The following PLPP4 variants were observed in gnomAD, a reference collection of about 807,000 sequenced individuals.
PLPP4 encodes the protein diacylglycerol pyrophosphate like 2.
A neutral mutation model predicts 32.2 loss-of-function variants in PLPP4; 20 were observed. The observed-to-expected ratio is 0.62, with a 90% CI of 0.44 to 0.90. PLPP4 has a LOEUF of 0.90. Ranked by LOEUF, PLPP4 falls within the 40% of genes least tolerant of loss-of-function variation. The probability of loss-of-function intolerance (pLI) is 0.00; values close to 1 mark genes in which losing one functional copy is unlikely to be tolerated. For missense variants in PLPP4, 257 were observed against 353.1 expected, an observed-to-expected ratio of 0.73 and a Z score of 2.18; for synonymous variants, 127 against 133.0, an observed-to-expected ratio of 0.95 and a Z score of 0.31.
chr10:120,556,201 C>T (rs1848157888), intron 5 of PLPP4, among the ~76,000 whole-genome samples: 1 of 152,216 alleles, frequency 6.6e-6, no homozygotes, highest in Admixed American at 6.5e-5. Flanking sequence ...AGCTTTCCTG[C>T]TGTTCACGTG....
upstream of PLPP4, chr10:120,457,105 C>T (rs1847810426): frequency 1.7e-5 from 4 of 231,844 alleles, no homozygotes; most frequent in Admixed American, 5.8e-5. Context: ...GCGCGGCTTC[C>T]CGGAGCCCCG....
At chr10:120,468,077 T>C (rs114196696) in intron 1 of PLPP4, among the ~76,000 whole-genome samples, 1,361 of 65,394 alleles carry the variant, frequency 0.021, 439 homozygotes, top group African/African-American at 0.042. Context: ...TCATTCTTTG[T>C]TGTGGCCGCA....
intron 5 of PLPP4, among the ~76,000 whole-genome samples, chr10:120,555,238 T>C (rs1848101966): frequency 6.6e-6 from 1 of 152,128 alleles, no homozygotes; most frequent in African/African-American, 2.4e-5. Flanking sequence ...GAACTTTTAC[T>C]CCCAAAGCTA....
chr10:120,517,428 G>A (rs1437505772), intron 3 of PLPP4, among the ~76,000 whole-genome samples: 1 of 152,200 alleles, frequency 6.6e-6, no homozygotes, highest in African/African-American at 2.4e-5. Flanking sequence ...AGGGAAGCTG[G>A]CATTTGAGGA....
chr10:120,536,716 A>T (rs1356323352), intron 5 of PLPP4, among the ~76,000 whole-genome samples: 1 of 151,868 alleles, frequency 6.6e-6, no homozygotes, highest in Non-Finnish European at 1.5e-5. Flanking sequence ...TTACAAAAAA[A>T]CTGATGTTTT....
intron 2 of PLPP4, 96 bp from the exon 3 acceptor site, chr10:120,513,815 G>T: frequency 1.1e-6 from 1 of 911,536 alleles, no homozygotes. Context: ...TATTCAACCA[G>T]GGAGTCTAAA....
chr10:120,567,441 G>T (rs1161393421), intron 5 of PLPP4, among the ~76,000 whole-genome samples: 1 of 152,190 alleles, frequency 6.6e-6, no homozygotes, highest in Admixed American at 6.5e-5. Flanking sequence ...ATGTTGTTAT[G>T]CCTGTTGAGT....
intron 1 of PLPP4, among the ~76,000 whole-genome samples, chr10:120,489,658 A>G (rs1297772065): frequency 6.6e-6 from 1 of 152,196 alleles, no homozygotes; most frequent in Non-Finnish European, 1.5e-5. Flanking sequence ...CAAGGTTGCC[A>G]GATCAAATGC....
At chr10:120,527,572 T>C (rs985958799) in intron 5 of PLPP4, among the ~76,000 whole-genome samples, 2 of 152,246 alleles carry the variant, frequency 1.3e-5, no homozygotes, top group Non-Finnish European at 2.9e-5. Context: ...TCTAGCCAAG[T>C]TGACACATAA....
chr10:120,482,810 G>A (rs908022084), intron 1 of PLPP4, among the ~76,000 whole-genome samples: 2 of 152,116 alleles, frequency 1.3e-5, no homozygotes, highest in Non-Finnish European at 2.9e-5. Flanking sequence ...TACTTGGGAG[G>A]CTGAGGCAGG....
intron 1 of PLPP4, among the ~76,000 whole-genome samples, chr10:120,498,931 T>G (rs1253118150): frequency 6.6e-6 from 1 of 152,130 alleles, no homozygotes; most frequent in African/African-American, 2.4e-5. Context: ...AAATCACTTC[T>G]ATTCTTAATG....
At chr10:120,559,606 C>A (rs1038827768) in intron 5 of PLPP4, among the ~76,000 whole-genome samples, 2 of 151,046 alleles carry the variant, frequency 1.3e-5, no homozygotes, top group African/African-American at 4.9e-5. Context: ...TGTGAGGGTG[C>A]ACTTATATGT....
chr10:120,457,277 G>GT lies in PLPP4; in HGVS notation c.-29_-28insT, dbSNP rs1847822727. ...GCGGGAGCCGCGGAGAGCACCAGCT[G>GT]ACGCCGCGGGAGCTGCTCCGGCCGC... On this transcript the variant is annotated 5_prime_UTR_variant, in exon 1 of 7. Transcript: ENST00000398250. The GT allele has an allele frequency of 9.5e-6, 14 of 1,473,178 alleles. No homozygotes were observed. The highest frequency in any genetic ancestry group is 1.5e-5 in the African/African-American group (1 of 68,724). The allele number at this position is 1,473,178 out of a possible 1,614,324, so 91.3% of individuals were successfully genotyped here.
chr10:120,523,806 T>G (rs773353564), intron 5 of PLPP4, among the ~76,000 whole-genome samples: 3 of 152,164 alleles, frequency 2.0e-5, no homozygotes, highest in Non-Finnish European at 4.4e-5. Flanking sequence ...GAATGGTTGG[T>G]AGGGGACTGT....
intron 1 of PLPP4, among the ~76,000 whole-genome samples, chr10:120,492,325 TTTGGAC>T: frequency 6.6e-6 from 1 of 152,390 alleles, no homozygotes; most frequent in Admixed American, 6.5e-5. Context: ...GCACTAAACA[TTTGGAC>T]TTCTGGGGTG....
rs1847830470 is a variant in PLPP4 at position 120,457,349 on chromosome 10, T to A, written c.44T>A (p.Phe15Tyr). ...AIEIGVRALL[F>Y]GVFVFTEFLD... ...GAGATCGGGGTGCGAGCCCTGCTCT[T>A]CGGAGTCTTCGTGTAAGTAGTGGCG... The change falls in exon 1 of 7, where the codon TTC becomes TAC. Residue 15 changes from phenylalanine to tyrosine, a missense_variant. Transcript: ENST00000398250. 6.5e-7 allele frequency: 1 copy of A among 1,535,686 alleles called. No homozygotes were observed. The highest frequency in any genetic ancestry group is 8.8e-7 in the Non-Finnish European group (1 of 1,140,004).
At chr10:120,544,597 G>A (rs570385693) in intron 5 of PLPP4, among the ~76,000 whole-genome samples, 25 of 152,246 alleles carry the variant, frequency 1.6e-4, no homozygotes, top group Admixed American at 3.3e-4. Context: ...TCCACCTCCA[G>A]CCAGTGGAGG....
chr10:120,582,737 T>A (rs1039984123), intron 6 of PLPP4, among the ~76,000 whole-genome samples: 2 of 150,294 alleles, frequency 1.3e-5, no homozygotes, highest in African/African-American at 4.9e-5. Context: ...AAACAAAAGG[T>A]TATACTGTAA....
chr10:120,557,324 A>T (rs1039471899), intron 5 of PLPP4, among the ~76,000 whole-genome samples: 2 of 152,172 alleles, frequency 1.3e-5, no homozygotes, highest in African/African-American at 4.8e-5. Flanking sequence ...TTCCCATTAC[A>T]AGCCTTGAAT....
Sources: gnomAD v4.1 joint callset for allele counts (sites outside exome capture counted in the v4.1 genomes callset) on GRCh38, gnomAD v4.1.1 for gene constraint, MANE v1.5 for transcripts, NCBI Gene and HGNC (gene_info 2026-07-23, HGNC 2026-07-21) for gene names.